USP3: variants seen among roughly 807,000 people sequenced by gnomAD.
USP3 encodes ubiquitin specific peptidase 3.
USP3 carries 20 observed loss-of-function variants against 72.3 expected under a neutral mutation model. That is an observed-to-expected ratio of 0.28 (90% CI 0.19 to 0.40). The LOEUF (loss-of-function observed/expected upper bound fraction) is 0.40. Among genes scored for constraint, USP3 ranks in the 10% least tolerant of loss-of-function variants. The pLI is 1.00. For missense variants in USP3, 479 were observed against 633.9 expected, an observed-to-expected ratio of 0.76 and a Z score of 2.62; for synonymous variants, 222 against 225.3, an observed-to-expected ratio of 0.99 and a Z score of 0.13.
At chr15:63,563,542 C>T (rs559120166) in intron 8 of USP3, among the ~76,000 whole-genome samples, 11 of 152,144 alleles carry the variant, frequency 7.2e-5, no homozygotes, top group African/African-American at 1.7e-4. Flanking sequence ...TGTCTCACCT[C>T]GCTTGAGCAA....
At chr15:63,575,342 C>T (rs185748898) in intron 11 of USP3, among the ~76,000 whole-genome samples, 2 of 152,040 alleles carry the variant, frequency 1.3e-5, no homozygotes, top group Admixed American at 6.5e-5. Context: ...CAGCACTACC[C>T]TAGGATCAGA....
chr15:63,511,375 AT>A (rs2065779747), intron 1 of USP3, among the ~76,000 whole-genome samples: 1 of 151,728 alleles, frequency 6.6e-6, no homozygotes, highest in African/African-American at 2.4e-5. Context: ...TCCTTTGAAG[AT>A]TTTTGATATG....
chr15:63,572,926 G>A (rs746735241), intron 9 of USP3, among the ~76,000 whole-genome samples: 4 of 152,142 alleles, frequency 2.6e-5, no homozygotes, highest in Non-Finnish European at 5.9e-5. Context: ...CTACAACATG[G>A]GGCTAACAGT....
chr15:63,556,452 T>G, intron 4 of USP3: 1 of 417,534 alleles, frequency 2.4e-6, no homozygotes, highest in Non-Finnish European at 4.4e-6. Context: ...AGGAGCAGTG[T>G]CCAGCCCACC....
At chr15:63,507,540 C>T (rs2065729502) in intron 1 of USP3, among the ~76,000 whole-genome samples, 2 of 152,116 alleles carry the variant, frequency 1.3e-5, no homozygotes, top group South Asian at 4.1e-4. Context: ...AAAGAGGACT[C>T]TGAATAATTA....
Position 63,588,744 on chromosome 15 carries a change from T to C in USP3, c.1258T>C (p.Leu420=). Residue 420 remains leucine, a synonymous_variant, in exon 13 of 15, where the codon TTA becomes CTA. Transcript: ENST00000380324. The surrounding 1 kb of genome is among the most constrained non-coding windows in gnomAD (Gnocchi z 4.6). ...GAAAAGATTTCATTGGACAGCATAT[T>C]TAAGAAATAAAGTTGATACATACGT... ...HLKRFHWTAY[L]RNKVDTYVEF... 6.2e-7 allele frequency: 1 copy of C among 1,614,176 alleles called. No homozygotes were observed. The highest frequency in any genetic ancestry group is 8.5e-7 in the Non-Finnish European group (1 of 1,180,004).
At chr15:63,558,449 G>A (rs748656571) in intron 6 of USP3, among the ~76,000 whole-genome samples, 20 of 152,008 alleles carry the variant, frequency 1.3e-4, no homozygotes, top group Non-Finnish European at 2.6e-4. Context: ...GGTTATTTCC[G>A]GTTGCTTTTT....
intron 11 of USP3, among the ~76,000 whole-genome samples, chr15:63,584,729 T>C (rs1252784124): frequency 6.6e-6 from 1 of 152,214 alleles, no homozygotes; most frequent in Non-Finnish European, 1.5e-5. Flanking sequence ...TGGTTCTCTT[T>C]ATAGTATCCC....
intron 11 of USP3, among the ~76,000 whole-genome samples, chr15:63,582,534 TCATC>T (rs2066982089): frequency 6.6e-6 from 1 of 152,200 alleles, no homozygotes; most frequent in Admixed American, 6.5e-5. Flanking sequence ...TCTTTATGAA[TCATC>T]TTATGGGCCT....
chr15:63,574,070 G>C lies in USP3; in HGVS notation c.933G>C (p.Thr311=). The C allele has an allele frequency of 6.3e-7, 1 of 1,593,218 alleles. No individual in the cohort carries two copies. The highest frequency in any genetic ancestry group is 8.6e-7 in the Non-Finnish European group (1 of 1,168,652). Residue 311 remains threonine (T), a synonymous_variant, in exon 10 of 15, where the codon ACG becomes ACC. Coordinates refer to ENST00000380324, the MANE Select transcript of USP3 (RefSeq NM_006537.4). The surrounding 1 kb of genome is among the most constrained non-coding windows in gnomAD (Gnocchi z 4.6). ...CCINGASTVV[T]AIFGGILQNE... Reference sequence around the variant, plus strand: ...GAAATGGAGCATCTACTGTTGTCACGGCTATATTCGGAGGCATTCTCCAAA... The same window carrying C: ...GAAATGGAGCATCTACTGTTGTCACCGCTATATTCGGAGGCATTCTCCAAA...
intron 2 of USP3, among the ~76,000 whole-genome samples, chr15:63,534,328 G>A (rs1167566857): frequency 2.6e-5 from 4 of 152,014 alleles, no homozygotes. Flanking sequence ...CTTGTCTTTA[G>A]GGAAATCGTA....
At position 63,542,796 on chromosome 15, in the gene USP3, GTCA is replaced by G. The variant is rs149151257; in HGVS notation, c.284+5645_284+5647del. The stretch of plus-strand genomic sequence containing the variant: ...ATCAGAAACGAGACTAATACTTCCT[GTCA>G]TCATTTACATGATTGTCACTATTAT... On this transcript the variant is annotated intron_variant, in intron 3 of 14. Transcript: ENST00000380324. Among the ~76,000 whole-genome samples the G allele has an allele frequency of 5.9e-3, 894 of 152,194 alleles. 6 individuals are homozygous for G. The highest frequency in any genetic ancestry group is 9.3e-3 in the Non-Finnish European group (631 of 67,974).
At chr15:63,537,305 AC>A in intron 3 of USP3, 149 bp downstream of exon 3, 2 of 929,680 alleles carry the variant, frequency 2.2e-6, no homozygotes, top group South Asian at 5.9e-5. Flanking sequence ...GCCATTGGGA[AC>A]GCCTATCTTT....
In USP3 at chr15:63,594,279, T is replaced by C. The variant is rs2067253916; in HGVS notation, c.*3453T>C. 6.6e-6 allele frequency: 1 copy of C among 152,162 alleles called. No homozygotes were observed. Among genetic ancestry groups the C allele is most frequent in the Non-Finnish European group, 1.5e-5 (1 of 68,036 alleles). 9.4% of individuals were successfully genotyped at this position (152,162 alleles called of 1,614,324 possible). A position where few individuals can be genotyped will look rare whatever the true frequency, so the allele number is the denominator to read the frequency against. On this transcript the variant is annotated 3_prime_UTR_variant, in exon 15 of 15. Coordinates refer to ENST00000380324, the MANE Select transcript of USP3 (RefSeq NM_006537.4). ...TTCACCTGGGCCCTGGAAAAGCCGA[T>C]GGAAAAAGTCTGTTCCTGCAGCCAA...
At chr15:63,549,175 T>C (rs899554088) in intron 3 of USP3, among the ~76,000 whole-genome samples, 1 of 152,224 alleles carries the variant, frequency 6.6e-6, no homozygotes, top group African/African-American at 2.4e-5. Context: ...AAATCCATTG[T>C]GTATTTTACA....
At chr15:63,522,109 C>G (rs1470633287) in intron 1 of USP3, among the ~76,000 whole-genome samples, 1 of 152,202 alleles carries the variant, frequency 6.6e-6, no homozygotes, top group African/African-American at 2.4e-5. Context: ...CTCCTGGTCT[C>G]AGGCGATCCT....
At position 63,553,575 on chromosome 15, in the gene USP3, G is replaced by T; in HGVS notation, c.285-140G>T. 3.5e-6 allele frequency: 2 copies of T among 570,734 alleles called. No individual in the cohort carries two copies. The highest frequency in any genetic ancestry group is 5.6e-6 in the Non-Finnish European group (2 of 359,144). 35.4% of individuals were successfully genotyped at this position (570,734 alleles called of 1,614,324 possible). On this transcript the variant is annotated intron_variant, in intron 3 of 14. Coordinates refer to ENST00000380324, the MANE Select transcript of USP3 (RefSeq NM_006537.4). This position sits in a 1 kb window ranked among gnomAD's most constrained non-coding sequence, Gnocchi z 4.2. ...GAAAAACATTCCATTGTGAATTCCA[G>T]GTCCTCTTTAAACTTACCACCAGCA...
intron 1 of USP3, among the ~76,000 whole-genome samples, chr15:63,523,126 G>A (rs74024868): frequency 0.012 from 1,790 of 152,238 alleles, 31 homozygotes; most frequent in African/African-American, 0.041. Flanking sequence ...TTTGAAATAA[G>A]CTTATTAAAA....
intron 1 of USP3, among the ~76,000 whole-genome samples, chr15:63,531,427 A>G (rs2066073765): frequency 6.6e-6 from 1 of 152,102 alleles, no homozygotes; most frequent in Non-Finnish European, 1.5e-5. Context: ...TTATGTAAAA[A>G]CTCCATTACC....
Sources: allele counts gnomAD v4.1 joint callset (sites outside exome capture counted in the v4.1 genomes callset), GRCh38; gene constraint gnomAD v4.1.1; non-coding constraint Gnocchi (gnomAD v3.1); transcripts MANE v1.5; gene names NCBI Gene and HGNC (gene_info 2026-07-23, HGNC 2026-07-21).